NRXN1: variants seen among roughly 807,000 people sequenced by gnomAD.
NRXN1 encodes the protein neurexin-1.
Under a neutral mutation model 150.9 loss-of-function variants are expected in NRXN1, and 39 were observed. The ratio of observed to expected loss-of-function variants is 0.26; its 90% CI spans 0.20 to 0.34. NRXN1 has a LOEUF of 0.34. NRXN1 is among the 10% of genes least tolerant of loss of function. The pLI, the probability that NRXN1 is intolerant of heterozygous loss-of-function variation, is 1.00. For synonymous variants in NRXN1, 924 were observed against 757.0 expected, an observed-to-expected ratio of 1.22 and a Z score of -3.62; for missense variants, 1,815 against 1,949.9, an observed-to-expected ratio of 0.93 and a Z score of 1.30.
chr2:50,223,499 T>C (rs1033576778), intron 18 of NRXN1, among the ~76,000 whole-genome samples: 2 of 152,076 alleles, frequency 1.3e-5, no homozygotes, highest in Non-Finnish European at 2.9e-5. Flanking sequence ...TTTTTAAAGA[T>C]CAAATGAACA....
In NRXN1 at chr2:50,770,505, T is replaced by C. The variant is rs192464661; in HGVS notation, c.833-146890A>G. ...TCTCACAGGGAGCTCAAATGTGACT[T>C]TGGACCCATCTTAATATGGACTTTG... On this transcript the variant is annotated intron_variant, in intron 5 of 22. Coordinates refer to ENST00000401669, the MANE Select transcript of NRXN1 (RefSeq NM_001330078.2). Among the ~76,000 whole-genome samples, 217 of 152,108 alleles carry C rather than the reference T, an allele frequency of 1.4e-3. 1 individual carries two copies. Among genetic ancestry groups the C allele is most frequent in the African/African-American group, 5.0e-3 (208 of 41,550 alleles).
At chr2:50,381,610 T>C (rs940140592) in intron 17 of NRXN1, among the ~76,000 whole-genome samples, 9 of 150,544 alleles carry the variant, frequency 6.0e-5, no homozygotes, top group African/African-American at 2.0e-4. Flanking sequence ...TAGAGTGATA[T>C]AGAATGGCAT....
chr2:51,006,149 G>C (rs1271129994), intron 2 of NRXN1, among the ~76,000 whole-genome samples: 1 of 151,706 alleles, frequency 6.6e-6, no homozygotes, highest in Admixed American at 6.6e-5. Flanking sequence ...CTGTGTAGTT[G>C]TCTCACGTGG....
In NRXN1 at chr2:50,983,882, G is replaced by C. The variant is rs540684902; in HGVS notation, c.772+43620C>G. Among the ~76,000 whole-genome samples the C allele has an allele frequency of 7.9e-5, 12 of 152,142 alleles. No homozygotes were observed. In the South Asian group the frequency reaches 2.3e-3, roughly 29 times the overall value. ...TCTACATAAAATTCTGTACATAGTA[G>C]AGTGGATAGACATTAGCTACTAACA... is the stretch of plus-strand genomic sequence containing the variant. On this transcript the variant is annotated intron_variant, in intron 2 of 22. Transcript: ENST00000401669.
At chr2:50,744,106 G>A (rs1267731167) in intron 5 of NRXN1, among the ~76,000 whole-genome samples, 2 of 152,024 alleles carry the variant, frequency 1.3e-5, no homozygotes, top group Non-Finnish European at 2.9e-5. Context: ...TACAAGACCT[G>A]AGCTACACAA....
rs1575172402 is a variant in NRXN1, at chr2:50,999,248, G to C, written c.772+28254C>G. 2.6e-5 allele frequency among the ~76,000 whole-genome samples: 4 copies of C among 152,134 alleles called. No homozygotes were observed. The South Asian group carries it at 8.3e-4, about 32-fold the overall frequency. On this transcript the variant is annotated intron_variant, in intron 2 of 22. Coordinates refer to ENST00000401669, the MANE Select transcript of NRXN1 (RefSeq NM_001330078.2). Reference sequence around the variant, plus strand: ...TTATCATTTTGTGGCCCACTGTAGTGACTCTCACTTATCCATTTATTTGTT... The same window carrying C: ...TTATCATTTTGTGGCCCACTGTAGTCACTCTCACTTATCCATTTATTTGTT...
At chr2:50,892,043 T>C (rs1681144403) in intron 5 of NRXN1, among the ~76,000 whole-genome samples, 1 of 152,110 alleles carries the variant, frequency 6.6e-6, no homozygotes, top group South Asian at 2.1e-4. Flanking sequence ...TTGCCACATA[T>C]GAACAACTAT....
chr2:51,031,673 G>C (rs1490101639), intron 1 of NRXN1, among the ~76,000 whole-genome samples: 1 of 152,090 alleles, frequency 6.6e-6, no homozygotes, highest in Non-Finnish European at 1.5e-5. Flanking sequence ...TGATGAGGTA[G>C]GGAAGGAAAT....
At chr2:50,928,639 C>T (rs1284298091) in intron 2 of NRXN1, among the ~76,000 whole-genome samples, 1 of 151,940 alleles carries the variant, frequency 6.6e-6, no homozygotes, top group Admixed American at 6.6e-5. Flanking sequence ...AATTCTTATA[C>T]ACACAAATGC....
chr2:50,484,520 G>A (rs767161899), intron 15 of NRXN1, among the ~76,000 whole-genome samples: 11 of 152,164 alleles, frequency 7.2e-5, no homozygotes, highest in Non-Finnish European at 1.2e-4. Flanking sequence ...AGAGCTGAAT[G>A]AGCCTGCAAG....
intron 5 of NRXN1, among the ~76,000 whole-genome samples, chr2:50,906,182 C>A (rs935108071): frequency 6.6e-6 from 1 of 152,056 alleles, no homozygotes; most frequent in African/African-American, 2.4e-5. Flanking sequence ...AGATTAATAT[C>A]ATATTTGTAG....
intron 17 of NRXN1, among the ~76,000 whole-genome samples, chr2:50,275,015 TG>T (rs1385650316): frequency 9.9e-5 from 15 of 152,180 alleles, no homozygotes; most frequent in Non-Finnish European, 7.4e-5. Context: ...GTATTGACCA[TG>T]GTTTCTGCAA....
At chr2:50,889,819 T>C (rs562889731) in intron 5 of NRXN1, among the ~76,000 whole-genome samples, 18 of 151,826 alleles carry the variant, frequency 1.2e-4, no homozygotes, top group African/African-American at 4.1e-4. Flanking sequence ...CATAACTGCA[T>C]ACAATATATA....
In NRXN1 at chr2:50,467,088, ATAATCCATCATAAAGG is replaced by A. The variant is rs749672456; in HGVS notation, c.3245-1543_3245-1528del. On this transcript the variant is annotated intron_variant, in intron 16 of 22. Transcript: ENST00000401669. ...AAGGATGGAAGAAATAAACTGCAAT[ATAATCCATCATAAAGG>A]AATTTTCTGAATAAAATTTCCATGT... 8.4e-4 allele frequency among the ~76,000 whole-genome samples: 128 copies of A among 151,882 alleles called. 1 individual carries two copies. The highest frequency in any genetic ancestry group is 1.2e-3 in the South Asian group (6 of 4,832).
intron 17 of NRXN1, among the ~76,000 whole-genome samples, chr2:50,419,416 T>C (rs1180750092): frequency 6.6e-6 from 1 of 152,088 alleles, no homozygotes; most frequent in Non-Finnish European, 1.5e-5. Context: ...GCAATCTCAT[T>C]AGATTCATTC....
chr2:50,509,360 G>A (rs2092364314), intron 12 of NRXN1, among the ~76,000 whole-genome samples: 1 of 152,128 alleles, frequency 6.6e-6, no homozygotes, highest in Non-Finnish European at 1.5e-5. Flanking sequence ...CACACCCTCT[G>A]CACAAGTCCT....
At chr2:50,767,558 C>T (rs1702514908) in intron 5 of NRXN1, among the ~76,000 whole-genome samples, 1 of 152,012 alleles carries the variant, frequency 6.6e-6, no homozygotes, top group South Asian at 2.1e-4. Flanking sequence ...TGCTAAGGGA[C>T]TGAGGATGCA....
At chr2:49,986,701 C>T (rs973109796) in intron 21 of NRXN1, among the ~76,000 whole-genome samples, 2 of 152,144 alleles carry the variant, frequency 1.3e-5, no homozygotes, top group African/African-American at 4.8e-5. Context: ...ATTAGCATAT[C>T]CATAATCTCA....
At position 51,007,441 on chromosome 2, in the gene NRXN1, T is replaced by C. The variant is rs1029577411; in HGVS notation, c.772+20061A>G. On this transcript the variant is annotated intron_variant, in intron 2 of 22. Coordinates refer to ENST00000401669, the MANE Select transcript of NRXN1 (RefSeq NM_001330078.2). ...ACATACTTTCCTTATGAGTTACTTA[T>C]GAAAACAATGTTAACATAAGTTACT... 1.1e-4 allele frequency among the ~76,000 whole-genome samples: 16 copies of C among 151,990 alleles called. 1 individual carries two copies. The highest frequency in any genetic ancestry group is 3.1e-4 in the African/African-American group (13 of 41,440).
Sources: gnomAD v4.1 joint callset for allele counts (sites outside exome capture counted in the v4.1 genomes callset) on GRCh38, gnomAD v4.1.1 for gene constraint, MANE v1.5 for transcripts, NCBI Gene and HGNC (gene_info 2026-07-23, HGNC 2026-07-21) for gene names.